Variants in COQ6 observed in about 807,000 individuals in gnomAD.
The protein encoded by COQ6 is coenzyme Q6, monooxygenase, also known as ubiquinone biosynthesis monooxygenase COQ6, mitochondrial.
Under a neutral mutation model 55.5 loss-of-function variants are expected in COQ6, and 45 were observed. The observed-to-expected ratio is 0.81, with a 90% CI of 0.64 to 1.04. The LOEUF (loss-of-function observed/expected upper bound fraction) is 1.04, where lower values mean the gene tolerates loss of function less well. Among genes scored for constraint, COQ6 ranks in the 50% least tolerant of loss-of-function variants. The pLI is 0.00. For missense variants in COQ6, 550 were observed against 601.3 expected (o/e 0.91, Z 0.89); for synonymous variants, 206 against 230.5 (o/e 0.89, Z 0.96).
intron 4 of COQ6, chr14:73,956,146 A>C (rs990764219): frequency 2.1e-6 from 1 of 482,582 alleles, no homozygotes; most frequent in Admixed American, 3.1e-5. Flanking sequence ...AACATGGTGA[A>C]ACCCTGTCTC....
chr14:73,951,998 AAAAAG>A (rs1206798218), intron 1 of COQ6, among the ~76,000 whole-genome samples: 3 of 149,928 alleles, frequency 2.0e-5, no homozygotes, highest in Non-Finnish European at 4.4e-5. Context: ...AAAAAAAAAA[AAAAAG>A]AAGATAGTGC....
chr14:73,958,109 CCTTT>C, intron 4 of COQ6, 34 bp from the exon 5 acceptor site: 1 of 1,566,394 alleles, frequency 6.4e-7, no homozygotes, highest in East Asian at 2.2e-5. Context: ...ATGTGGCCCA[CCTTT>C]CTAATTTTTT....
At chr14:73,951,084 C>T (rs538401986) in intron 1 of COQ6, among the ~76,000 whole-genome samples, 101 of 152,270 alleles carry the variant, frequency 6.6e-4, no homozygotes, top group Non-Finnish European at 1.2e-3. Flanking sequence ...GTAGCCTCAA[C>T]CTCCCTGGCT....
intron 8 of COQ6, chr14:73,959,874 A>G (rs1378449891): frequency 8.8e-6 from 11 of 1,245,908 alleles, no homozygotes; most frequent in Non-Finnish European, 1.0e-5. Flanking sequence ...CCAGCCAGAA[A>G]GGTGGTTTTG....
chr14:73,959,024 T>C lies in COQ6; in HGVS notation c.666T>C (p.Asn222=). 1 of 1,614,194 alleles carries C rather than the reference T, an allele frequency of 6.2e-7. No individual in the cohort carries two copies. Among genetic ancestry groups the C allele is most frequent in the South Asian group, 1.1e-5 (1 of 91,080 alleles). ...SGVRQAVGIQ[N]VSWNYDQSAV... is the part of the protein sequence containing the mutation. ...TACGGCAGGCTGTTGGAATCCAGAA[T>C]GTGAGCTGGAACTATGACCAGTCTG... is the stretch of plus-strand genomic sequence containing the variant. Residue 222 remains asparagine (N), a synonymous_variant, in exon 6 of 12, where the codon AAT becomes AAC. Transcript: ENST00000334571.
At chr14:73,958,388 T>C (rs2056545147) in intron 5 of COQ6, 111 bp downstream of exon 5, 5 of 1,565,666 alleles carry the variant, frequency 3.2e-6, no homozygotes, top group Non-Finnish European at 3.5e-6. Context: ...GGCAAAACTT[T>C]TGGTTATGAG....
At chr14:73,956,895 T>G (rs1426461420) in intron 4 of COQ6, 2 of 152,134 alleles carry the variant, frequency 1.3e-5, no homozygotes, top group South Asian at 4.1e-4. Context: ...AATCTAAAAT[T>G]TAATAACTTA....
chr14:73,962,891 TAC>T, intron 11 of COQ6, 77 bp from the exon 12 acceptor site: 1 of 1,188,252 alleles, frequency 8.4e-7, no homozygotes, highest in Non-Finnish European at 1.3e-6. Context: ...GAAGAATACC[TAC>T]GTGATTATTA....
Position 73,961,722 on chromosome 14 carries a change from T to C in COQ6, c.1211-15T>C, listed in dbSNP as rs1271587409. On this transcript the variant is annotated splice_polypyrimidine_tract_variant and intron_variant, in intron 10 of 11. Coordinates refer to ENST00000334571, the MANE Select transcript of COQ6 (RefSeq NM_182476.3). ...ATTATTGGATTAGGGATTTAATCTT[T>C]CCTCTGCCCTTCAGGTTCCGTGAGC... The C allele has an allele frequency of 6.2e-7, 1 of 1,614,076 alleles. No homozygotes were observed. Among genetic ancestry groups the C allele is most frequent in the Admixed American group, 1.7e-5 (1 of 60,018 alleles).
At chr14:73,952,536 TAAA>T (rs111327859) in intron 1 of COQ6, among the ~76,000 whole-genome samples, 1,759 of 151,282 alleles carry the variant, frequency 0.012, 31 homozygotes, top group African/African-American at 0.041. Context: ...CCTGGCTAGT[TAAA>T]AAAAATTTTT....
chr14:73,957,858 C>T (rs955159388), intron 4 of COQ6, among the ~76,000 whole-genome samples: 2 of 152,148 alleles, frequency 1.3e-5, no homozygotes, highest in Admixed American at 6.6e-5. Flanking sequence ...CAAACACGGG[C>T]TCATTTAAGC....
intron 1 of COQ6, among the ~76,000 whole-genome samples, chr14:73,953,132 T>C (rs2056266002): frequency 6.6e-6 from 1 of 152,222 alleles, no homozygotes; most frequent in South Asian, 2.1e-4. Context: ...GTAGTCTAAC[T>C]TTTTTACTTC....
At chr14:73,955,655 G>A in intron 3 of COQ6, 146 bp downstream of exon 3, 1 of 1,396,210 alleles carries the variant, frequency 7.2e-7, no homozygotes. Flanking sequence ...AGCATTCCCA[G>A]GAGAATTTTC....
At chr14:73,962,857 C>T in intron 11 of COQ6, 113 bp from the exon 12 acceptor site, 1 of 926,066 alleles carries the variant, frequency 1.1e-6, no homozygotes, top group Non-Finnish European at 1.7e-6. Context: ...CTTTTTTTAG[C>T]TGAAATAAAA....
In COQ6 at chr14:73,963,340, T is replaced by C; in HGVS notation, c.*341T>C. ...TTTACATTTTGTTTTTGTTTTAATG[T>C]TGGTCATAAATTTATACAGTTGTTT... is the stretch of plus-strand genomic sequence containing the variant. On this transcript the variant is annotated 3_prime_UTR_variant, in exon 12 of 12. Transcript: ENST00000334571. 1 of 430,736 alleles carries C rather than the reference T, an allele frequency of 2.3e-6. No individual in the cohort carries two copies. Among genetic ancestry groups the C allele is most frequent in the South Asian group, 4.3e-5 (1 of 23,382 alleles). 26.7% of individuals were successfully genotyped at this position (430,736 alleles called of 1,614,324 possible). A position where few individuals can be genotyped will look rare whatever the true frequency, so the allele number is the denominator to read the frequency against.
At position 73,961,499 on chromosome 14, in the gene COQ6, A is replaced by G. The variant is rs753489572; in HGVS notation, c.1139A>G (p.Asn380Ser). 9.9e-6 allele frequency: 16 copies of G among 1,614,112 alleles called. No homozygotes were observed. The highest frequency in any genetic ancestry group is 8.0e-5 in the African/African-American group (6 of 74,950). ...RVHPLAGQGVNMGFGDISSLA... is the reference protein window; with the variant it reads ...RVHPLAGQGVSMGFGDISSLA... The stretch of plus-strand genomic sequence containing the variant: ...CATCCGCTTGCAGGACAGGGTGTCA[A>G]CATGGGCTTTGGGGATATCTCCAGC... Residue 380 changes from asparagine to serine, a missense_variant, in exon 10 of 12, where the codon AAC becomes AGC. Transcript: ENST00000334571.
rs747388886 is a variant in COQ6 at position 73,955,524 on chromosome 14, T to C, written c.357+15T>C. 8.7e-6 allele frequency: 14 copies of C among 1,612,816 alleles called. No homozygotes were observed. The highest frequency in any genetic ancestry group is 1.2e-5 in the Non-Finnish European group (14 of 1,178,878). On this transcript the variant is annotated intron_variant, in intron 3 of 11. Transcript: ENST00000334571. ...GGCGAATGCAGGTGCCCCTTTATCT[T>C]TTCAATTTTGTCAAGATGTCTTGGT...
chr14:73,951,711 C>T (rs1248659397), intron 1 of COQ6, among the ~76,000 whole-genome samples: 2 of 149,642 alleles, frequency 1.3e-5, no homozygotes, highest in African/African-American at 4.9e-5. Context: ...ATATGTGACC[C>T]AAGACAATTC....
intron 2 of COQ6, among the ~76,000 whole-genome samples, chr14:73,954,799 C>T (rs542776432): frequency 6.9e-6 from 1 of 143,886 alleles, no homozygotes; most frequent in Admixed American, 6.9e-5. Context: ...AGCCGAGATC[C>T]CGCCACTGCA....
Sources: gnomAD v4.1 joint callset for allele counts (sites outside exome capture counted in the v4.1 genomes callset) on GRCh38, gnomAD v4.1.1 for gene constraint, MANE v1.5 for transcripts, NCBI Gene and HGNC (gene_info 2026-07-23, HGNC 2026-07-21) for gene names.